The following LRP1B variants were observed in gnomAD, a reference collection of about 807,000 sequenced individuals.
LRP1B encodes low-density lipoprotein receptor-related protein 1B.
In LRP1B, 217 loss-of-function variants were observed where a neutral mutation model predicts 556.6. The observed-to-expected ratio is 0.39, with a 90% CI of 0.35 to 0.44. The LOEUF is 0.44. LRP1B is among the 20% of genes least tolerant of loss of function. The pLI is 1.00. For synonymous variants in LRP1B, 2,047 were observed against 1,865.8 expected, an observed-to-expected ratio of 1.10 and a Z score of -2.50; for missense variants, 5,053 against 5,620.8, an observed-to-expected ratio of 0.90 and a Z score of 3.23.
chr2:140,596,415 G>A (rs521254), intron 43 of LRP1B, among the ~76,000 whole-genome samples: 53,344 of 152,036 alleles, frequency 0.35, 9,561 homozygotes, highest in African/African-American at 0.37. Flanking sequence ...CGATTTTACT[G>A]ATGTTCTTAA....
chr2:140,286,152 A>G (rs1683142021), intron 84 of LRP1B, among the ~76,000 whole-genome samples: 1 of 151,896 alleles, frequency 6.6e-6, no homozygotes, highest in African/African-American at 2.4e-5. Flanking sequence ...TTGAATTAAT[A>G]AATGAGCGCT....
At chr2:141,243,159 A>C (rs1290248529) in intron 5 of LRP1B, among the ~76,000 whole-genome samples, 6 of 141,930 alleles carry the variant, frequency 4.2e-5, no homozygotes, top group African/African-American at 1.5e-4. Context: ...TTTTTTTCAT[A>C]TGACAAGTTC....
intron 86 of LRP1B, among the ~76,000 whole-genome samples, chr2:140,259,030 G>T (rs1681817370): frequency 6.6e-6 from 1 of 152,044 alleles, no homozygotes. Flanking sequence ...TTCCCCTACT[G>T]CTATAGAATG....
chr2:140,428,021 C>T (rs543846639), intron 66 of LRP1B, among the ~76,000 whole-genome samples: 73 of 152,254 alleles, frequency 4.8e-4, no homozygotes, highest in African/African-American at 1.7e-3. Context: ...AATCAGATAA[C>T]GTTTAGGCTC....
intron 1 of LRP1B, among the ~76,000 whole-genome samples, chr2:142,064,087 GTAAATCCAAA>G (rs1314160354): frequency 1.3e-5 from 2 of 151,550 alleles, no homozygotes; most frequent in African/African-American, 4.8e-5. Flanking sequence ...TCTATGTCTA[GTAAATCCAAA>G]TTATTATAAA....
intron 77 of LRP1B, 30 bp downstream of exon 77, chr2:140,350,767 A>G (rs765247406): frequency 6.3e-7 from 1 of 1,597,596 alleles, no homozygotes; most frequent in Non-Finnish European, 8.5e-7. Context: ...AAAGGTATGG[A>G]CTTTCAAATA....
intron 7 of LRP1B, among the ~76,000 whole-genome samples, chr2:141,108,356 T>C (rs1700662817): frequency 7.6e-6 from 1 of 131,250 alleles, no homozygotes; most frequent in South Asian, 2.4e-4. Context: ...TTTTTTTTTT[T>C]TTTTTTTTTG....
rs115229790 is a variant in LRP1B at position 140,732,000 on chromosome 2, C to A, written c.5759-15184G>T. Among the ~76,000 whole-genome samples the A allele has an allele frequency of 4.3e-3, 660 of 152,040 alleles. 9 individuals carry two copies. Among genetic ancestry groups the A allele is most frequent in the African/African-American group, 0.015 (627 of 41,516 alleles). On this transcript the variant is annotated intron_variant, in intron 35 of 90. Transcript: ENST00000389484. ...TTGTAACTCTGAATACTTAAAATTACAAAAAATGTTTGGCAAGCCATACAC... is the reference window on the plus strand; with the variant it reads ...TTGTAACTCTGAATACTTAAAATTAAAAAAAATGTTTGGCAAGCCATACAC...
chr2:141,952,382 G>A (rs948643960), intron 1 of LRP1B, among the ~76,000 whole-genome samples: 25 of 152,038 alleles, frequency 1.6e-4, no homozygotes, highest in Admixed American at 5.2e-4. Flanking sequence ...TGGGATGGCT[G>A]GGTCAAATCA....
intron 87 of LRP1B, among the ~76,000 whole-genome samples, chr2:140,242,462 A>G (rs1680988011): frequency 6.6e-6 from 1 of 151,230 alleles, no homozygotes; most frequent in South Asian, 2.1e-4. Context: ...CTTATTTAGC[A>G]AATATATCTT....
chr2:141,229,512 T>C (rs1490080627), intron 5 of LRP1B, 72 bp from the exon 6 acceptor site: 1 of 1,140,102 alleles, frequency 8.8e-7, no homozygotes, highest in Non-Finnish European at 1.3e-6. Flanking sequence ...GCCCTAGTTA[T>C]TGAAAGCTAT....
chr2:141,349,584 C>T (rs1688375181), intron 3 of LRP1B, among the ~76,000 whole-genome samples: 3 of 152,198 alleles, frequency 2.0e-5, no homozygotes, highest in African/African-American at 7.2e-5. Context: ...AGAAAAATGT[C>T]TTATAGACAT....
At chr2:140,815,719 T>G (rs1050841643) in intron 31 of LRP1B, among the ~76,000 whole-genome samples, 5 of 152,154 alleles carry the variant, frequency 3.3e-5, no homozygotes, top group African/African-American at 9.7e-5. Context: ...TTCTACAATA[T>G]AAAGTTTACA....
chr2:141,229,551 A>C, intron 5 of LRP1B, 111 bp from the exon 6 acceptor site: 1 of 829,078 alleles, frequency 1.2e-6, no homozygotes, highest in African/African-American at 1.7e-5. Context: ...ATTCATAACA[A>C]AAATTTTCTT....
intron 1 of LRP1B, among the ~76,000 whole-genome samples, chr2:142,118,101 A>C (rs1574706410): frequency 6.6e-6 from 1 of 152,156 alleles, no homozygotes; most frequent in East Asian, 1.9e-4. Context: ...GAAGGGAAGA[A>C]AAAGGGCAGG....
chr2:140,344,782 ATGTG>A (rs1681567654), intron 77 of LRP1B, among the ~76,000 whole-genome samples: 1 of 151,766 alleles, frequency 6.6e-6, no homozygotes, highest in Non-Finnish European at 1.5e-5. Context: ...CCATGAAACT[ATGTG>A]AGCTCAACAA....
intron 21 of LRP1B, among the ~76,000 whole-genome samples, chr2:140,919,761 A>T (rs549233555): frequency 6.6e-6 from 1 of 152,024 alleles, no homozygotes; most frequent in South Asian, 2.1e-4. Flanking sequence ...ATATTTTATC[A>T]TCACTTCTGT....
intron 3 of LRP1B, among the ~76,000 whole-genome samples, chr2:141,393,438 A>G (rs1407465632): frequency 6.6e-6 from 1 of 152,170 alleles, no homozygotes; most frequent in Non-Finnish European, 1.5e-5. Flanking sequence ...CCCAGGCCCA[A>G]TTAGCATTTC....
At chr2:140,714,575 T>C (rs1226989694) in intron 37 of LRP1B, among the ~76,000 whole-genome samples, 3 of 152,174 alleles carry the variant, frequency 2.0e-5, no homozygotes, top group Admixed American at 6.6e-5. Context: ...TTCTATATAA[T>C]ATAAATGGAC....
Sources: gnomAD v4.1 joint callset for allele counts (sites outside exome capture counted in the v4.1 genomes callset) on GRCh38, gnomAD v4.1.1 for gene constraint, MANE v1.5 for transcripts, NCBI Gene and HGNC (gene_info 2026-07-23, HGNC 2026-07-21) for gene names.